Variants in FRMPD4 observed in about 807,000 individuals in gnomAD.
FRMPD4 encodes FERM and PDZ domain-containing protein 4.
A neutral mutation model predicts 94.1 loss-of-function variants in FRMPD4; 22 were observed. The observed-to-expected ratio is 0.23, with a 90% CI of 0.17 to 0.33. The LOEUF (loss-of-function observed/expected upper bound fraction) is 0.33. Among genes scored for constraint, FRMPD4 ranks in the 10% least tolerant of loss-of-function variants. FRMPD4 has a pLI of 1.00. For missense variants in FRMPD4, 1,111 were observed against 1,339.9 expected, an observed-to-expected ratio of 0.83 and a Z score of 2.67; for synonymous variants, 631 against 548.6, an observed-to-expected ratio of 1.15 and a Z score of -2.10.
At chrX:12,343,042 C>T (rs1227695424) in intron 1 of FRMPD4, among the ~76,000 whole-genome samples, 2 of 111,966 alleles carry the variant, frequency 1.8e-5, no homozygotes, top group African/African-American at 3.2e-5. Flanking sequence ...GAGTTCAAAA[C>T]CCATGAGTGA....
Position 12,716,184 on chromosome X carries a change from A to G in FRMPD4, c.1725A>G (p.Ser575=). 8.3e-7 allele frequency: 1 copy of G among 1,207,778 alleles called. No homozygotes were observed. Among genetic ancestry groups the G allele is most frequent in the Middle Eastern group, 2.3e-4 (1 of 4,345 alleles). The change falls in exon 15 of 17, where the codon TCA becomes TCG. Residue 575 remains serine (S), a synonymous_variant. Coordinates refer to ENST00000675598, the MANE Select transcript of FRMPD4 (RefSeq NM_001368397.1). ...EQEAQITYID[S]KQKTVEITDS... is the part of the protein sequence containing the mutation. ...AAGCCCAGATAACATACATAGATTC[A>G]AAGCAGAAGACGGTGGAGATCACAG...
At chrX:12,644,892 T>C (rs193114540) in intron 4 of FRMPD4, among the ~76,000 whole-genome samples, 1 of 112,239 alleles carries the variant, frequency 8.9e-6, no homozygotes, top group East Asian at 2.8e-4. Context: ...TGCATGTGAA[T>C]AACAGCAAAG....
intron 1 of FRMPD4, among the ~76,000 whole-genome samples, chrX:11,845,153 G>GT (rs1212030897): frequency 8.9e-6 from 1 of 112,078 alleles, no homozygotes; most frequent in Non-Finnish European, 1.9e-5. Flanking sequence ...CTGCCTTAAA[G>GT]TTTTTTGCTA....
chrX:12,015,609 A>G (rs942731578), intron 3 of FRMPD4, among the ~76,000 whole-genome samples: 3 of 112,373 alleles, frequency 2.7e-5, no homozygotes, highest in Non-Finnish European at 5.6e-5. Context: ...TAAAATCTAC[A>G]TTTCCTAGTC....
chrX:12,244,111 G>T (rs753662291), intron 1 of FRMPD4, among the ~76,000 whole-genome samples: 11 of 109,331 alleles, frequency 1.0e-4, no homozygotes, highest in Non-Finnish European at 1.1e-4. Context: ...GTTTTGTTTT[G>T]TTTTGTTTTG....
At chrX:12,168,880 C>T (rs1041764646) in intron 1 of FRMPD4, among the ~76,000 whole-genome samples, 1 of 111,714 alleles carries the variant, frequency 9.0e-6, no homozygotes, top group Non-Finnish European at 1.9e-5. Flanking sequence ...CCGCCTCGGC[C>T]TCCCAGAGTG....
chrX:12,392,887 A>T (rs753475449), intron 1 of FRMPD4, among the ~76,000 whole-genome samples: 18 of 112,090 alleles, frequency 1.6e-4, no homozygotes, highest in Non-Finnish European at 3.2e-4. Flanking sequence ...CACTTACTTC[A>T]TTTTTGAAAG....
intron 1 of FRMPD4, among the ~76,000 whole-genome samples, chrX:12,409,697 G>T (rs2056708938): frequency 8.9e-6 from 1 of 112,198 alleles, no homozygotes; most frequent in Admixed American, 9.4e-5. Context: ...AAATAGAAAT[G>T]ATTTCAAAAT....
At chrX:12,458,393 A>C (rs999646400) in intron 1 of FRMPD4, among the ~76,000 whole-genome samples, 3 of 111,908 alleles carry the variant, frequency 2.7e-5, no homozygotes, top group African/African-American at 9.7e-5. Context: ...ACTGGGATTC[A>C]TGGAGTTTAA....
intron 2 of FRMPD4, among the ~76,000 whole-genome samples, chrX:12,560,477 GAAAAAA>G (rs199808235): frequency 0.46 from 37,598 of 82,428 alleles, 6,411 homozygotes; most frequent in Non-Finnish European, 0.55. Flanking sequence ...CTTTAAAAAT[GAAAAAA>G]AAAAAAAAAA....
intron 3 of FRMPD4, among the ~76,000 whole-genome samples, chrX:12,065,769 C>T (rs1159834115): frequency 8.9e-6 from 1 of 112,038 alleles, no homozygotes; most frequent in Non-Finnish European, 1.9e-5. Flanking sequence ...GTTTTTATAC[C>T]TTGAAGGAAG....
intron 1 of FRMPD4, among the ~76,000 whole-genome samples, chrX:12,236,868 T>C (rs918904366): frequency 8.9e-6 from 1 of 111,952 alleles, no homozygotes; most frequent in Non-Finnish European, 1.9e-5. Flanking sequence ...AGAGGTGATT[T>C]TGCTCCCAGG....
rs191103268 is a variant in FRMPD4, at chrX:11,880,144, G to A, written c.95+2126G>A. On this transcript the variant is annotated intron_variant, in intron 3 of 18. Transcript: ENST00000640291. ...GCAGGTACATGGAATGGTTAGGACC[G>A]TGTTTTCTGAAACCAGCTTGATCTG... Among the ~76,000 whole-genome samples the A allele has an allele frequency of 4.5e-4, 50 of 111,795 alleles. No individual in the cohort carries two copies. In the East Asian group the frequency reaches 8.4e-3, roughly 19 times the overall value.
intron 1 of FRMPD4, among the ~76,000 whole-genome samples, chrX:12,381,975 C>T (rs765513667): frequency 1.8e-5 from 2 of 110,509 alleles, no homozygotes; most frequent in East Asian, 5.7e-4. Context: ...GAGGAAAGAC[C>T]AAAGGACTGG....
intron 4 of FRMPD4, among the ~76,000 whole-genome samples, chrX:12,632,226 C>T (rs1027016104): frequency 1.8e-5 from 2 of 111,768 alleles, no homozygotes; most frequent in Non-Finnish European, 3.8e-5. Context: ...CTGGGAGAGA[C>T]AAGATCATGG....
chrX:12,377,250 C>CT (rs1223098455), intron 1 of FRMPD4, among the ~76,000 whole-genome samples: 1 of 112,169 alleles, frequency 8.9e-6, no homozygotes, highest in Non-Finnish European at 1.9e-5. Flanking sequence ...ACAGTGTTGT[C>CT]TTTGCAACTC....
chrX:12,293,897 A>C (rs771483842), intron 1 of FRMPD4, among the ~76,000 whole-genome samples: 4 of 112,408 alleles, frequency 3.6e-5, no homozygotes, highest in Admixed American at 9.4e-5. Flanking sequence ...CGTAGCCCTT[A>C]AAGCAATGCT....
At chrX:12,013,558 C>T (rs1334570754) in intron 3 of FRMPD4, among the ~76,000 whole-genome samples, 3 of 112,962 alleles carry the variant, frequency 2.7e-5, no homozygotes, top group Non-Finnish European at 5.6e-5. Context: ...CCTATCTTAA[C>T]TCCTGTATCA....
intron 1 of FRMPD4, 133 bp downstream of exon 1, chrX:12,139,145 G>T: frequency 2.2e-6 from 1 of 463,450 alleles, no homozygotes; most frequent in Non-Finnish European, 3.4e-6. Flanking sequence ...AAGTGGCCGG[G>T]GGCTTCCACG....
Sources: allele counts gnomAD v4.1 joint callset (sites outside exome capture counted in the v4.1 genomes callset), GRCh38; gene constraint gnomAD v4.1.1; transcripts MANE v1.5; gene names NCBI Gene and HGNC (gene_info 2026-07-23, HGNC 2026-07-21).